Variants in ARHGEF6 observed in about 807,000 individuals in gnomAD.
The protein encoded by ARHGEF6 is rho guanine nucleotide exchange factor 6.
A neutral mutation model predicts 70.3 loss-of-function variants in ARHGEF6; 9 were observed. That is an observed-to-expected ratio of 0.13 (90% CI 0.08 to 0.22). ARHGEF6 has a LOEUF of 0.22. Ranked by LOEUF, ARHGEF6 falls within the 10% of genes least tolerant of loss-of-function variation. ARHGEF6 has a pLI of 1.00. For synonymous variants in ARHGEF6, 201 were observed against 207.8 expected (o/e 0.97, Z 0.28); for missense variants, 470 against 563.0 (o/e 0.83, Z 1.67).
rs190261918 is a variant in ARHGEF6, at chrX:136,690,660, G to T, written c.1135C>A (p.Arg379=). 1 of 1,208,061 alleles carries T rather than the reference G, an allele frequency of 8.3e-7. No homozygotes were observed. Among genetic ancestry groups the T allele is most frequent in the Admixed American group, 2.2e-5 (1 of 45,625 alleles). ...LTTNLSKPFM[R]LEKYVTLLQE... is the part of the protein sequence containing the mutation. ...AAGAGAGTAACATATTTCTCCAGTC[G>T]CATGAATGGTTTGCTGAGGTTTGTT... The change falls in exon 10 of 22, where the codon CGA becomes AGA. Residue 379 remains arginine, a synonymous_variant. Transcript: ENST00000250617.
At chrX:136,730,141 G>A (rs1157971927) in intron 6 of ARHGEF6, among the ~76,000 whole-genome samples, 2 of 110,183 alleles carry the variant, frequency 1.8e-5, no homozygotes, top group African/African-American at 6.6e-5. Flanking sequence ...TTTTAATGAA[G>A]TAAAAATCAG....
chrX:136,707,669 G>A (rs990497359), intron 8 of ARHGEF6, among the ~76,000 whole-genome samples: 3 of 111,193 alleles, frequency 2.7e-5, no homozygotes, highest in South Asian at 3.8e-4. Context: ...TGCCCTTCTC[G>A]CTTAGTGAAC....
At chrX:136,712,831 C>A (rs1044992903) in intron 7 of ARHGEF6, among the ~76,000 whole-genome samples, 1 of 111,899 alleles carries the variant, frequency 8.9e-6, no homozygotes, top group African/African-American at 3.2e-5. Context: ...GCTTGAATAG[C>A]TCTTACAAGC....
At chrX:136,714,104 C>T (rs2076713718) in intron 6 of ARHGEF6, among the ~76,000 whole-genome samples, 1 of 111,726 alleles carries the variant, frequency 9.0e-6, no homozygotes, top group African/African-American at 3.3e-5. Context: ...ACAAAGTAGG[C>T]TGAAGTGTGA....
rs1218398349 is a variant in ARHGEF6, at chrX:136,706,909, T to C, written c.1045A>G (p.Ser349Gly). Reference protein sequence around the residue: ...PSAVNVLTQHSDELEQFMENQ... With the variant: ...PSAVNVLTQHGDELEQFMENQ... ...GTTGGGGAAATGTTAACTATTTACC[T>C]GTGCTGAGTGAGCACATTTACAGCT... Residue 349 changes from serine to glycine, a missense_variant and splice_region_variant, in exon 9 of 22, where the codon AGT (serine) becomes GGT (glycine). This residue lies in a region of ARHGEF6 where 379 missense variants were observed against 449.3 expected (regional missense o/e 0.84). Transcript: ENST00000250617. The C allele has an allele frequency of 8.3e-7, 1 of 1,211,795 alleles. No homozygotes were observed. Among genetic ancestry groups the C allele is most frequent in the East Asian group, 3.0e-5 (1 of 33,855 alleles).
chrX:136,689,689 C>A lies in ARHGEF6; in HGVS notation c.1185+921G>T, dbSNP rs190916582. On this transcript the variant is annotated intron_variant, in intron 10 of 21. Transcript: ENST00000250617. ...TTCTTTCAATCCTTACAAATGCTGA[C>A]AAGCCCGGCAGAGTGCGGGTGCACT... 1.7e-3 allele frequency among the ~76,000 whole-genome samples: 185 copies of A among 111,946 alleles called. 1 individual carries two copies. The highest frequency in any genetic ancestry group is 2.2e-3 in the Non-Finnish European group (115 of 53,146).
At chrX:136,777,652 T>C (rs557976746) in intron 2 of ARHGEF6, among the ~76,000 whole-genome samples, 3 of 110,861 alleles carry the variant, frequency 2.7e-5, no homozygotes, top group African/African-American at 9.9e-5. Context: ...CACACACATA[T>C]TTATAGTAGC....
In ARHGEF6 at chrX:136,666,904, C is replaced by T. The variant is rs2076166644; in HGVS notation, c.*1125G>A. On this transcript the variant is annotated 3_prime_UTR_variant, in exon 22 of 22. Transcript: ENST00000250617. ...AAGTTGGACCAGAAGCATATTTCTG[C>T]AAATACTGCTTAGAGTCCCACCCAA... 8.9e-6 allele frequency: 1 copy of T among 112,090 alleles called. No individual in the cohort carries two copies. The highest frequency in any genetic ancestry group is 1.9e-5 in the Non-Finnish European group (1 of 53,231). The allele number at this position is 112,090 out of a possible 1,213,427, so 9.2% of individuals were successfully genotyped here.
chrX:136,704,395 G>T (rs1332137358), intron 9 of ARHGEF6, among the ~76,000 whole-genome samples: 1 of 112,376 alleles, frequency 8.9e-6, no homozygotes, highest in Non-Finnish European at 1.9e-5. Flanking sequence ...AACAGGCTAA[G>T]GATCTGAATA....
chrX:136,708,748 A>C lies in ARHGEF6; in HGVS notation c.850T>G (p.Ser284Ala). 8.3e-7 allele frequency: 1 copy of C among 1,199,580 alleles called. No homozygotes were observed. Among genetic ancestry groups the C allele is most frequent in the Non-Finnish European group, 1.1e-6 (1 of 885,231 alleles). The part of the protein sequence containing the change: ...NNNLSTVEVT[S>A]LLGNFEEVCT... ...ACTTCCTCGAAGTTTCCCAGTAAAG[A>C]TGTAACCTCCACAGTACTCAGACTG... is the stretch of plus-strand genomic sequence containing the variant. Residue 284 changes from serine (S) to alanine (A), a missense_variant, in exon 8 of 22, where the codon TCT (serine) becomes GCT (alanine). Physicochemically the swap from Ser to Ala is moderately conservative, Grantham distance 99. This residue lies in a region of ARHGEF6 where 379 missense variants were observed against 449.3 expected (regional missense o/e 0.84). Transcript: ENST00000250617.
At chrX:136,680,918 G>A (rs2076327596) in intron 14 of ARHGEF6, 42 bp from the exon 15 acceptor site, 1 of 1,197,918 alleles carries the variant, frequency 8.3e-7, no homozygotes, top group Non-Finnish European at 1.1e-6. Flanking sequence ...CAAAAGGCAA[G>A]GAAAAACTTG....
chrX:136,702,136 G>C (rs1193935607), intron 9 of ARHGEF6, among the ~76,000 whole-genome samples: 1 of 111,930 alleles, frequency 8.9e-6, no homozygotes, highest in African/African-American at 3.2e-5. Flanking sequence ...ATAAGAGGGA[G>C]GAATTGAGAA....
At chrX:136,704,722 A>AC (rs1342175042) in intron 9 of ARHGEF6, among the ~76,000 whole-genome samples, 1 of 111,231 alleles carries the variant, frequency 9.0e-6, no homozygotes, top group African/African-American at 3.3e-5. Flanking sequence ...GGGGAAAACC[A>AC]CCCCCATGAT....
chrX:136,679,464 A>G, intron 16 of ARHGEF6, 71 bp downstream of exon 16: 3 of 1,140,573 alleles, frequency 2.6e-6, no homozygotes, highest in Non-Finnish European at 3.6e-6. Flanking sequence ...GCACATTCCC[A>G]CAGAACTATT....
chrX:136,735,475 G>C (rs2076976079), intron 5 of ARHGEF6, among the ~76,000 whole-genome samples: 2 of 110,786 alleles, frequency 1.8e-5, no homozygotes, highest in South Asian at 7.8e-4. Flanking sequence ...CCTGGGTGGT[G>C]GGGGGGATTC....
intron 5 of ARHGEF6, among the ~76,000 whole-genome samples, chrX:136,740,532 GGT>G (rs773184668): frequency 7.2e-5 from 8 of 111,602 alleles, no homozygotes; most frequent in Non-Finnish European, 1.3e-4. Flanking sequence ...TGCTTCTAAG[GGT>G]TACCTAAGTG....
chrX:136,729,492 A>AG (rs2076911763), intron 6 of ARHGEF6, among the ~76,000 whole-genome samples: 1 of 97,617 alleles, frequency 1.0e-5, no homozygotes, highest in East Asian at 3.1e-4. Context: ...AAAAAAAAAA[A>AG]GAACAGGTCT....
intron 2 of ARHGEF6, among the ~76,000 whole-genome samples, chrX:136,754,198 G>A (rs1317624571): frequency 9.0e-6 from 1 of 111,625 alleles, no homozygotes; most frequent in Non-Finnish European, 1.9e-5. Flanking sequence ...CTTTAGTTGA[G>A]TATTAAGTGT....
At chrX:136,671,751 C>T (rs2076227135) in intron 20 of ARHGEF6, among the ~76,000 whole-genome samples, 1 of 112,438 alleles carries the variant, frequency 8.9e-6, no homozygotes, top group African/African-American at 3.2e-5. Context: ...TGCTCAGAAG[C>T]AGCTTACTGG....
Sources: allele counts gnomAD v4.1 joint callset (sites outside exome capture counted in the v4.1 genomes callset), GRCh38; gene constraint gnomAD v4.1.1; regional missense constraint gnomAD v4.1.1; transcripts MANE v1.5; gene names NCBI Gene and HGNC (gene_info 2026-07-23, HGNC 2026-07-21).